Variants in KIF13A observed in about 807,000 individuals in gnomAD.
The protein encoded by KIF13A is kinesin family member 13A.
Under a neutral mutation model 212.2 loss-of-function variants are expected in KIF13A, and 79 were observed. The observed-to-expected ratio is 0.37, with a 90% CI of 0.31 to 0.45. KIF13A has a LOEUF of 0.45. KIF13A is among the 20% of genes least tolerant of loss of function. KIF13A has a pLI of 1.00. For synonymous variants in KIF13A, 789 were observed against 808.6 expected, an observed-to-expected ratio of 0.98 and a Z score of 0.41; for missense variants, 1,901 against 2,209.0, an observed-to-expected ratio of 0.86 and a Z score of 2.79.
In KIF13A at chr6:17,971,723, C is replaced by T. The variant is rs1212768400; in HGVS notation, c.146+15331G>A. 6.6e-6 allele frequency among the ~76,000 whole-genome samples: 1 copy of T among 152,138 alleles called. No homozygotes were observed. Among genetic ancestry groups the T allele is most frequent in the Non-Finnish European group, 1.5e-5 (1 of 68,034 alleles). Reference sequence around the variant, plus strand: ...TACAGGAGTGAGTCACCACGTCCGGCTTGCTCTTGTTTTAGTGTGATTACT... The same window carrying T: ...TACAGGAGTGAGTCACCACGTCCGGTTTGCTCTTGTTTTAGTGTGATTACT... On this transcript the variant is annotated intron_variant, in intron 2 of 38. Transcript: ENST00000259711. This position sits in a 1 kb window ranked among gnomAD's most constrained non-coding sequence, Gnocchi z 4.2.
rs944272116 is a variant in KIF13A, at chr6:17,919,392, G to C, written c.147-21212C>G. Among the ~76,000 whole-genome samples the C allele has an allele frequency of 3.3e-5, 5 of 152,288 alleles. No individual in the cohort carries two copies. The highest frequency in any genetic ancestry group is 1.2e-4 in the African/African-American group (5 of 41,556). ...AATTTCAAAAGTTATATTAATGTCT[G>C]ATCCAACATGGATTCATATTCAACT... On this transcript the variant is annotated intron_variant, in intron 2 of 38. Coordinates refer to ENST00000259711, the MANE Select transcript of KIF13A (RefSeq NM_022113.6). The surrounding 1 kb of genome is among the most constrained non-coding windows in gnomAD (Gnocchi z 4.1).
chr6:17,854,245 T>C (rs1767932664), intron 6 of KIF13A, among the ~76,000 whole-genome samples: 1 of 152,014 alleles, frequency 6.6e-6, no homozygotes, highest in Non-Finnish European at 1.5e-5. Context: ...TTCAAGCAAT[T>C]CTCCTGCCTC....
intron 2 of KIF13A, among the ~76,000 whole-genome samples, chr6:17,978,560 G>C (rs1214284823): frequency 6.6e-6 from 1 of 152,136 alleles, no homozygotes; most frequent in Admixed American, 6.5e-5. Context: ...GGAATGTCTT[G>C]TTTATTTCTC....
rs1376679068 is a variant in KIF13A, at chr6:17,963,360, G to T, written c.146+23694C>A. 6.6e-6 allele frequency among the ~76,000 whole-genome samples: 1 copy of T among 152,194 alleles called. No individual in the cohort carries two copies. Among genetic ancestry groups the T allele is most frequent in the Non-Finnish European group, 1.5e-5 (1 of 68,040 alleles). On this transcript the variant is annotated intron_variant, in intron 2 of 38. Coordinates refer to ENST00000259711, the MANE Select transcript of KIF13A (RefSeq NM_022113.6). This position sits in a 1 kb window ranked among gnomAD's most constrained non-coding sequence, Gnocchi z 4.1. Reference sequence around the variant, plus strand: ...TTGAACCTGGGAGGGAGAGGCTGCAGTGAGCTAAGATCGTGCCGTTGCACT... The same window carrying T: ...TTGAACCTGGGAGGGAGAGGCTGCATTGAGCTAAGATCGTGCCGTTGCACT...
intron 4 of KIF13A, among the ~76,000 whole-genome samples, chr6:17,858,081 ATGTGTGTGTGTGTGTG>A (rs58092993): frequency 0.019 from 2,693 of 144,672 alleles, 90 homozygotes; most frequent in African/African-American, 0.067. Context: ...TCAAATAGTT[ATGTGTGTGTGTGTGTG>A]TGTGTGTGTG....
intron 2 of KIF13A, among the ~76,000 whole-genome samples, chr6:17,981,828 T>C (rs1186095271): frequency 6.6e-6 from 1 of 152,176 alleles, no homozygotes; most frequent in Non-Finnish European, 1.5e-5. Context: ...GATTTTATAA[T>C]GTGGAGTATT....
At chr6:17,884,664 TG>T (rs1466480249) in intron 3 of KIF13A, among the ~76,000 whole-genome samples, 1 of 152,332 alleles carries the variant, frequency 6.6e-6, no homozygotes, top group Non-Finnish European at 1.5e-5. Context: ...GGGCTTCCCT[TG>T]GGGAAAAAAG....
Position 17,773,545 on chromosome 6 carries a change from G to A in KIF13A, c.4257C>T (p.Ser1419=), listed in dbSNP as rs749190992. ...PENQLDMSDY[S]SSYQDVACYG... Reference sequence around the variant, plus strand: ...AACATGCTACATCTTGGTAACTGGAGCTATAGTCAGACATGTCCAACTGGT... The same window carrying A: ...AACATGCTACATCTTGGTAACTGGAACTATAGTCAGACATGTCCAACTGGT... Residue 1419 remains serine (S), a synonymous_variant, in exon 36 of 39, where the codon AGC becomes AGT. Transcript: ENST00000259711. The surrounding 1 kb of genome is among the most constrained non-coding windows in gnomAD (Gnocchi z 4.2). The A allele has an allele frequency of 6.2e-7, 1 of 1,611,894 alleles. No individual in the cohort carries two copies. The highest frequency in any genetic ancestry group is 2.2e-5 in the East Asian group (1 of 44,828).
chr6:17,818,786 C>G (rs893484458), intron 16 of KIF13A, among the ~76,000 whole-genome samples: 3 of 152,178 alleles, frequency 2.0e-5, no homozygotes, highest in African/African-American at 7.2e-5. Flanking sequence ...AGATAACTAA[C>G]TAATTGGCTG....
At position 17,786,627 on chromosome 6, in the gene KIF13A, C is replaced by T. The variant is rs1488504938; in HGVS notation, c.3362-986G>A. Among the ~76,000 whole-genome samples, 1 of 151,866 alleles carries T rather than the reference C, an allele frequency of 6.6e-6. No individual in the cohort carries two copies. Among genetic ancestry groups the T allele is most frequent in the Non-Finnish European group, 1.5e-5 (1 of 67,930 alleles). On this transcript the variant is annotated intron_variant, in intron 27 of 38. Transcript: ENST00000259711. This position sits in a 1 kb window ranked among gnomAD's most constrained non-coding sequence, Gnocchi z 5.4. ...AAATAAAAATAAAAAAATAAAAAAC[C>T]CACCATATATCTTACTCTGTAAAAT...
Position 17,825,674 on chromosome 6 carries a change from A to C in KIF13A, c.1786+94T>G. 8.5e-7 allele frequency: 1 copy of C among 1,172,546 alleles called. No homozygotes were observed. The highest frequency in any genetic ancestry group is 1.2e-6 in the Non-Finnish European group (1 of 820,634). 72.6% of individuals were successfully genotyped at this position (1,172,546 alleles called of 1,614,324 possible). A position where few individuals can be genotyped will look rare whatever the true frequency, so the allele number is the denominator to read the frequency against. ...CAGTTTTATGTGTTTAAAATGTGGA[A>C]TGCGGAATGACACCTGATGCATGCT... On this transcript the variant is annotated intron_variant, in intron 16 of 38. Coordinates refer to ENST00000259711, the MANE Select transcript of KIF13A (RefSeq NM_022113.6). The surrounding 1 kb of genome is among the most constrained non-coding windows in gnomAD (Gnocchi z 4.5).
chr6:17,761,139 A>C (rs1581830743), downstream of KIF13A, among the ~76,000 whole-genome samples: 1 of 152,338 alleles, frequency 6.6e-6, no homozygotes, highest in East Asian at 1.9e-4. Context: ...GTGCAGTCTA[A>C]GTCATTTCAG....
chr6:17,972,562 A>C (rs1164647495), intron 2 of KIF13A, among the ~76,000 whole-genome samples: 1 of 152,188 alleles, frequency 6.6e-6, no homozygotes, highest in African/African-American at 2.4e-5. Context: ...TGTTCAACAA[A>C]CTACATGTGG....
intron 2 of KIF13A, among the ~76,000 whole-genome samples, chr6:17,920,625 G>C (rs1774976937): frequency 6.6e-6 from 1 of 152,162 alleles, no homozygotes; most frequent in Non-Finnish European, 1.5e-5. Context: ...TGTAATCCCA[G>C]CACTTTGGGA....
At chr6:17,782,693 G>A (rs1760712493) in intron 29 of KIF13A, among the ~76,000 whole-genome samples, 1 of 149,764 alleles carries the variant, frequency 6.7e-6, no homozygotes, top group Admixed American at 6.6e-5. Context: ...GCTTTCTGAG[G>A]TCAATTCCTC....
At chr6:17,890,108 A>C (rs1771907868) in intron 3 of KIF13A, among the ~76,000 whole-genome samples, 1 of 151,698 alleles carries the variant, frequency 6.6e-6, no homozygotes, top group Admixed American at 6.6e-5. Context: ...GAATTGCTTG[A>C]ACTTGGGAGG....
chr6:17,982,529 G>A lies in KIF13A; in HGVS notation c.146+4525C>T. The A allele has an allele frequency of 4.8e-6, 3 of 620,144 alleles. No homozygotes were observed. The highest frequency in any genetic ancestry group is 6.0e-6 in the Non-Finnish European group (3 of 496,928). The allele number at this position is 620,144 out of a possible 1,614,324, so 38.4% of individuals were successfully genotyped here. A position where few individuals can be genotyped will look rare whatever the true frequency, so the allele number is the denominator to read the frequency against. On this transcript the variant is annotated intron_variant, in intron 2 of 38. Transcript: ENST00000259711. This position sits in a 1 kb window ranked among gnomAD's most constrained non-coding sequence, Gnocchi z 5.1. ...TGACCCTCCCTCACACGATTTGCAA[G>A]GTGTATTGTTCATCCTGCCATATGG...
chr6:17,824,541 C>T (rs894046914), intron 16 of KIF13A, among the ~76,000 whole-genome samples: 5 of 151,970 alleles, frequency 3.3e-5, no homozygotes, highest in Admixed American at 6.6e-5. Flanking sequence ...AGGCGGATCA[C>T]GAGGTCGGGA....
At chr6:17,860,194 T>C (rs768239052) in intron 4 of KIF13A, among the ~76,000 whole-genome samples, 1 of 152,064 alleles carries the variant, frequency 6.6e-6, no homozygotes, top group Non-Finnish European at 1.5e-5. Flanking sequence ...ACAATTTTTT[T>C]TTCTTTCCTT....
Sources: gnomAD v4.1 joint callset for allele counts (sites outside exome capture counted in the v4.1 genomes callset) on GRCh38, gnomAD v4.1.1 for gene constraint, Gnocchi (gnomAD v3.1) non-coding constraint, MANE v1.5 for transcripts, NCBI Gene and HGNC (gene_info 2026-07-23, HGNC 2026-07-21) for gene names.